NBAS: variants seen among roughly 807,000 people sequenced by gnomAD.
NBAS encodes the protein NBAS subunit of NRZ tethering complex, also known as NAG/BC035112 fusion.
In NBAS, 219 loss-of-function variants were observed where a neutral mutation model predicts 302.5. The observed-to-expected ratio is 0.72, with a 90% CI of 0.65 to 0.81. The LOEUF is 0.81. Among genes scored for constraint, NBAS ranks in the 30% least tolerant of loss-of-function variants. The pLI is 0.00. For synonymous variants in NBAS, 1,118 were observed against 1,021.6 expected (o/e 1.09, Z -1.80); for missense variants, 2,932 against 2,841.6 (o/e 1.03, Z -0.72).
At chr2:15,294,464 G>A (rs1227347115) in intron 40 of NBAS, among the ~76,000 whole-genome samples, 6 of 152,202 alleles carry the variant, frequency 3.9e-5, no homozygotes, top group East Asian at 1.9e-4. Context: ...AGGGGATGCC[G>A]TGCCCCAGCT....
intron 25 of NBAS, among the ~76,000 whole-genome samples, chr2:15,412,929 C>A (rs1159752751): frequency 6.6e-6 from 1 of 152,176 alleles, no homozygotes; most frequent in Non-Finnish European, 1.5e-5. Flanking sequence ...CAAGCCCAAT[C>A]CAAAACTACA....
chr2:15,509,341 T>G (rs1383286727), intron 10 of NBAS, among the ~76,000 whole-genome samples: 3 of 152,154 alleles, frequency 2.0e-5, no homozygotes, highest in Non-Finnish European at 2.9e-5. Context: ...CCAACTGTTC[T>G]CCTTACTAGG....
intron 38 of NBAS, among the ~76,000 whole-genome samples, chr2:15,325,774 G>A (rs1672035596): frequency 6.6e-6 from 1 of 152,182 alleles, no homozygotes. Context: ...CTTTTCCTCT[G>A]CATTCACAAC....
chr2:15,309,315 T>C (rs945079306), intron 38 of NBAS, 68 bp from the exon 39 acceptor site: 14 of 1,308,236 alleles, frequency 1.1e-5, no homozygotes, highest in Non-Finnish European at 1.4e-5. Context: ...TTAAATGCCA[T>C]GTTTTCAGCC....
chr2:14,793,007 A>G, the NBAS span, among the ~76,000 whole-genome samples: 1 of 152,232 alleles, frequency 6.6e-6, no homozygotes, highest in South Asian at 2.1e-4. Context: ...ATCTGATAAT[A>G]CTTGTGTTCT....
At chr2:15,095,945 G>A in the NBAS span, among the ~76,000 whole-genome samples, 1 of 152,178 alleles carries the variant, frequency 6.6e-6, no homozygotes. Context: ...TGGAGGAAGG[G>A]TAGTGAGTGA....
the NBAS span, among the ~76,000 whole-genome samples, chr2:14,999,577 C>T: frequency 6.6e-6 from 1 of 152,106 alleles, no homozygotes; most frequent in Non-Finnish European, 1.5e-5. Context: ...CTCTCCTGCT[C>T]CACCATGGGA....
In NBAS at chr2:15,461,301, A is replaced by G. The variant is rs758904926; in HGVS notation, c.2239T>C (p.Tyr747His). The G allele has an allele frequency of 2.0e-5, 32 of 1,613,034 alleles. No individual in the cohort carries two copies. In the Admixed American group the frequency reaches 5.0e-4, roughly 25 times the overall value. ...NVQALEILFT[Y>H]HGSDLLPHRL... ...TGAGGAAGCAGGTCGGAACCATGGT[A>G]AGTAAACAGAATTTCCAGGGCTTGT... Residue 747 changes from tyrosine (Y) to histidine (H), a missense_variant, in exon 21 of 52, where the codon TAC (tyrosine) becomes CAC (histidine). Physicochemically the swap from Tyr to His is moderately conservative, Grantham distance 83. Coordinates refer to ENST00000281513, the MANE Select transcript of NBAS (RefSeq NM_015909.4).
intron 16 of NBAS, 111 bp downstream of exon 16, chr2:15,473,111 G>T: frequency 2.5e-6 from 3 of 1,207,212 alleles, no homozygotes; most frequent in Admixed American, 2.0e-5. Flanking sequence ...TACTTCATTG[G>T]CTGTATTATA....
rs1667523771 is a variant in NBAS, at chr2:15,234,820, A to G, written c.5944-73T>C. On this transcript the variant is annotated intron_variant, in intron 45 of 51. Transcript: ENST00000281513. ...TGTATCTACATGCACAAAGTGAAAC[A>G]TATTTAGATCCTCGAACCAAATACA... 3.4e-6 allele frequency: 5 copies of G among 1,476,098 alleles called. No homozygotes were observed. The African/African-American group carries it at 5.6e-5, about 16-fold the overall frequency. The allele number at this position is 1,476,098 out of a possible 1,614,324, so 91.4% of individuals were successfully genotyped here.
the NBAS span, among the ~76,000 whole-genome samples, chr2:15,058,985 C>T: frequency 6.6e-6 from 1 of 152,200 alleles, no homozygotes; most frequent in Admixed American, 6.5e-5. Context: ...CTGCTTCTAG[C>T]CCATCTGTTT....
intron 28 of NBAS, among the ~76,000 whole-genome samples, chr2:15,385,171 G>T (rs914208160): frequency 1.3e-5 from 2 of 152,162 alleles, no homozygotes; most frequent in Non-Finnish European, 2.9e-5. Context: ...TATATTTCAA[G>T]TATTTCAGGA....
At chr2:14,792,657 G>T in the NBAS span, among the ~76,000 whole-genome samples, 3 of 151,376 alleles carry the variant, frequency 2.0e-5, no homozygotes, top group South Asian at 2.1e-4. Flanking sequence ...AGTTACTAGG[G>T]TAACTACCTA....
intron 6 of NBAS, among the ~76,000 whole-genome samples, chr2:15,550,232 T>C (rs543201814): frequency 2.0e-5 from 3 of 152,296 alleles, no homozygotes; most frequent in Non-Finnish European, 4.4e-5. Context: ...TACCACATTG[T>C]AGCTCTGAAA....
chr2:15,142,584 T>C, the NBAS span, among the ~76,000 whole-genome samples: 2 of 152,220 alleles, frequency 1.3e-5, no homozygotes, highest in Non-Finnish European at 2.9e-5. Flanking sequence ...ACTGGCACCT[T>C]CCTGCATTAG....
intron 28 of NBAS, among the ~76,000 whole-genome samples, chr2:15,387,405 A>G (rs1675357514): frequency 6.6e-6 from 1 of 152,118 alleles, no homozygotes; most frequent in South Asian, 2.1e-4. Flanking sequence ...AACTGGCTCT[A>G]AATGAACTTC....
At chr2:14,943,233 C>CTT in the NBAS span, among the ~76,000 whole-genome samples, 1 of 152,230 alleles carries the variant, frequency 6.6e-6, no homozygotes, top group Non-Finnish European at 1.5e-5. Context: ...ACCGGATACA[C>CTT]TTGTAGCAAG....
the NBAS span, among the ~76,000 whole-genome samples, chr2:15,089,191 A>C: frequency 1.3e-5 from 2 of 152,146 alleles, no homozygotes; most frequent in African/African-American, 4.8e-5. Context: ...CATGTTGCCC[A>C]GGCTGGTCAT....
At chr2:15,084,687 C>CG in the NBAS span, among the ~76,000 whole-genome samples, 122 of 143,600 alleles carry the variant, frequency 8.5e-4, no homozygotes, top group Middle Eastern at 7.0e-3. Context: ...ATCGGCGGGG[C>CG]GGGGGGGGTT....
Sources: gnomAD v4.1 joint callset for allele counts (sites outside exome capture counted in the v4.1 genomes callset) on GRCh38, gnomAD v4.1.1 for gene constraint, MANE v1.5 for transcripts, NCBI Gene and HGNC (gene_info 2026-07-23, HGNC 2026-07-21) for gene names.